The following DLG2 variants were observed in gnomAD, a reference collection of about 807,000 sequenced individuals.
The protein encoded by DLG2 is disks large homolog 2.
In DLG2, 45 loss-of-function variants were observed where a neutral mutation model predicts 132.5. That is an observed-to-expected ratio of 0.34 (90% CI 0.27 to 0.44). The LOEUF (loss-of-function observed/expected upper bound fraction) is 0.44, where lower values mean the gene tolerates loss of function less well. Among genes scored for constraint, DLG2 ranks in the 20% least tolerant of loss-of-function variants. DLG2 has a pLI of 1.00. For synonymous variants in DLG2, 424 were observed against 419.6 expected, an observed-to-expected ratio of 1.01 and a Z score of -0.13; for missense variants, 1,045 against 1,196.9, an observed-to-expected ratio of 0.87 and a Z score of 1.87.
intron 6 of DLG2, among the ~76,000 whole-genome samples, chr11:84,982,856 G>GA (rs947640238): frequency 3.3e-5 from 5 of 151,838 alleles, no homozygotes; most frequent in African/African-American, 1.2e-4. Flanking sequence ...AATTTATGCA[G>GA]AAAAAAAGTA....
In DLG2 at chr11:85,414,406, A is replaced by C. The variant is rs1294302213; in HGVS notation, c.41-129041T>G. Among the ~76,000 whole-genome samples, 3 of 151,808 alleles carry C rather than the reference A, an allele frequency of 2.0e-5. No individual in the cohort carries two copies. In the East Asian group the frequency reaches 5.8e-4, roughly 29 times the overall value. On this transcript the variant is annotated intron_variant, in intron 3 of 27. Coordinates refer to ENST00000376104, the MANE Select transcript of DLG2 (RefSeq NM_001142699.3). ...GCCCTTTATCTCTTCCTCTTGTCTG[A>C]TTGCTCTGGCTAGGGCTTGCAGTAC...
intron 7 of DLG2, among the ~76,000 whole-genome samples, chr11:84,506,312 T>G (rs568381016): frequency 6.6e-6 from 1 of 151,924 alleles, no homozygotes; most frequent in African/African-American, 2.4e-5. Context: ...CCTGACCTCG[T>G]GATCCGCCCG....
intron 7 of DLG2, among the ~76,000 whole-genome samples, chr11:84,281,490 T>C (rs1327701212): frequency 6.6e-6 from 1 of 152,022 alleles, no homozygotes; most frequent in Non-Finnish European, 1.5e-5. Flanking sequence ...GTGCACAATG[T>C]GCAGGTTAGT....
At chr11:84,312,343 G>T (rs368447747) in intron 7 of DLG2, among the ~76,000 whole-genome samples, 5 of 152,256 alleles carry the variant, frequency 3.3e-5, no homozygotes, top group Admixed American at 2.6e-4. Flanking sequence ...GCCAGGCCTG[G>T]TGGCGCGTGC....
chr11:84,631,039 C>T (rs1159865745), intron 6 of DLG2, among the ~76,000 whole-genome samples: 1 of 149,782 alleles, frequency 6.7e-6, no homozygotes. Flanking sequence ...CACACACACA[C>T]ACACACACAC....
chr11:84,714,602 TC>T (rs2060917644), intron 6 of DLG2, among the ~76,000 whole-genome samples: 2 of 111,766 alleles, frequency 1.8e-5, no homozygotes, highest in African/African-American at 8.7e-5. Flanking sequence ...TCTTTCTTTC[TC>T]TTTCTCTTTC....
chr11:85,201,002 T>C (rs926799099), intron 4 of DLG2, among the ~76,000 whole-genome samples: 2 of 151,758 alleles, frequency 1.3e-5, no homozygotes, highest in South Asian at 2.1e-4. Flanking sequence ...TCATGGCTAA[T>C]GAGAATAAGC....
chr11:83,544,445 TTTTG>T (rs2096180019), intron 19 of DLG2, among the ~76,000 whole-genome samples: 2 of 152,234 alleles, frequency 1.3e-5, no homozygotes, highest in South Asian at 4.2e-4. Flanking sequence ...CCCCACTTTT[TTTTG>T]TTGTTGTTAA....
At chr11:85,318,354 T>C (rs892294248) in intron 3 of DLG2, among the ~76,000 whole-genome samples, 7 of 151,798 alleles carry the variant, frequency 4.6e-5, no homozygotes, top group South Asian at 4.1e-4. Flanking sequence ...TCCTGATCAA[T>C]GTTTATCAAG....
chr11:84,173,352 T>G (rs2095866376), intron 8 of DLG2, among the ~76,000 whole-genome samples: 1 of 152,198 alleles, frequency 6.6e-6, no homozygotes, highest in South Asian at 2.1e-4. Flanking sequence ...TTGAGAACAG[T>G]AAATGGTGTT....
At chr11:85,578,384 G>A (rs905733472) in intron 3 of DLG2, among the ~76,000 whole-genome samples, 10 of 152,062 alleles carry the variant, frequency 6.6e-5, no homozygotes, top group Non-Finnish European at 1.5e-4. Flanking sequence ...AGCAAAAATT[G>A]ACAAGTGGGA....
intron 6 of DLG2, among the ~76,000 whole-genome samples, chr11:84,811,757 A>G (rs2076583944): frequency 6.6e-6 from 1 of 152,206 alleles, no homozygotes; most frequent in Non-Finnish European, 1.5e-5. Context: ...ACTCTGTGAT[A>G]GAAACTATGC....
At chr11:84,374,719 A>G (rs2098722196) in intron 7 of DLG2, among the ~76,000 whole-genome samples, 1 of 152,084 alleles carries the variant, frequency 6.6e-6, no homozygotes. Flanking sequence ...GTCCCTTCCC[A>G]GCTTCATTTT....
intron 11 of DLG2, among the ~76,000 whole-genome samples, chr11:84,043,756 C>T (rs2096164383): frequency 6.6e-6 from 1 of 151,586 alleles, no homozygotes; most frequent in Admixed American, 6.6e-5. Context: ...CTCTTTGTCG[C>T]TATTTTCAGT....
chr11:85,462,207 G>T lies in DLG2; in HGVS notation c.40+136450C>A, dbSNP rs546609490. ...AACACTTCTACACTGTTGGTGGGAC[G>T]GTAAACTAGTTCATCCTTTGTGGAA... On this transcript the variant is annotated intron_variant, in intron 3 of 27. Coordinates refer to ENST00000376104, the MANE Select transcript of DLG2 (RefSeq NM_001142699.3). 1.7e-3 allele frequency among the ~76,000 whole-genome samples: 260 copies of T among 152,228 alleles called. 2 individuals carry two copies. The highest frequency in any genetic ancestry group is 9.7e-4 in the East Asian group (5 of 5,180).
intron 20 of DLG2, among the ~76,000 whole-genome samples, chr11:83,535,574 G>GAC (rs1461995252): frequency 6.6e-6 from 1 of 151,488 alleles, no homozygotes; most frequent in Non-Finnish European, 1.5e-5. Context: ...AAGTCAGCCA[G>GAC]ACACACACAC....
intron 16 of DLG2, among the ~76,000 whole-genome samples, chr11:83,860,847 T>C (rs781160120): frequency 6.6e-6 from 1 of 152,190 alleles, no homozygotes; most frequent in Non-Finnish European, 1.5e-5. Context: ...GGGTCTTTCC[T>C]GTGCTGTTAT....
intron 14 of DLG2, among the ~76,000 whole-genome samples, chr11:83,931,825 C>G (rs1282595849): frequency 1.3e-5 from 2 of 152,112 alleles, no homozygotes; most frequent in Non-Finnish European, 2.9e-5. Context: ...GCTCTTATTT[C>G]TTTGCTTTCA....
rs534210216 is a variant in DLG2, at chr11:84,651,639, T to A, written c.358-116908A>T. 3.7e-4 allele frequency among the ~76,000 whole-genome samples: 56 copies of A among 152,338 alleles called. 2 individuals carry two copies. In the South Asian group the frequency reaches 0.011, roughly 29 times the overall value. On this transcript the variant is annotated intron_variant, in intron 6 of 27. Coordinates refer to ENST00000376104, the MANE Select transcript of DLG2 (RefSeq NM_001142699.3). ...AAGCCATTGGTATTGGAAAACAGACTATGGCTTTTGAATTATTATGTTGAT... is the reference window on the plus strand; with the variant it reads ...AAGCCATTGGTATTGGAAAACAGACAATGGCTTTTGAATTATTATGTTGAT...
Sources: gnomAD v4.1 joint callset for allele counts (sites outside exome capture counted in the v4.1 genomes callset) on GRCh38, gnomAD v4.1.1 for gene constraint, MANE v1.5 for transcripts, NCBI Gene and HGNC (gene_info 2026-07-23, HGNC 2026-07-21) for gene names.